GALM: variants seen among roughly 807,000 people sequenced by gnomAD.
The protein encoded by GALM is aldose 1-epimerase.
In GALM, 43 loss-of-function variants were observed where a neutral mutation model predicts 37.4. That is an observed-to-expected ratio of 1.15 (90% CI 0.90 to 1.48). GALM has a LOEUF of 1.48. Among genes scored for constraint, GALM ranks in the 40% most tolerant of loss-of-function variants. GALM has a pLI of 0.00. For missense variants in GALM, 456 were observed against 419.1 expected (o/e 1.09, Z -0.77); for synonymous variants, 199 against 170.6 (o/e 1.17, Z -1.30).
At chr2:38,723,821 A>G (rs931666183) in intron 4 of GALM, among the ~76,000 whole-genome samples, 3 of 152,202 alleles carry the variant, frequency 2.0e-5, no homozygotes, top group Admixed American at 6.5e-5. Context: ...AAGCAAAAAC[A>G]AAAAATATGT....
chr2:38,733,542 T>C lies in GALM; in HGVS notation c.1006T>C (p.Trp336Arg). 6.2e-7 allele frequency: 1 copy of C among 1,613,960 alleles called. No homozygotes were observed. Among genetic ancestry groups the C allele is most frequent in the Non-Finnish European group, 8.5e-7 (1 of 1,179,838 alleles). Residue 336 changes from tryptophan (W) to arginine (R), a missense_variant, in exon 7 of 7, where the codon TGG becomes CGG. Transcript: ENST00000272252. The stretch of plus-strand genomic sequence containing the variant: ...TGGTGAGGAGTATGACCACACCACC[T>C]GGTTCAAGTTTTCTGTGGCTTAAGG... ...RPGEEYDHTT[W>R]FKFSVA
intron 4 of GALM, among the ~76,000 whole-genome samples, chr2:38,702,472 G>A (rs1264823111): frequency 5.3e-5 from 8 of 151,074 alleles, no homozygotes; most frequent in Admixed American, 6.6e-5. Context: ...CCAGCCTACA[G>A]AGACCACCCA....
intron 1 of GALM, among the ~76,000 whole-genome samples, chr2:38,675,494 A>G (rs1665222052): frequency 6.8e-6 from 1 of 146,834 alleles, no homozygotes; most frequent in African/African-American, 2.5e-5. Context: ...GGACAGTGGC[A>G]TGCAACACAC....
chr2:38,716,672 A>G (rs1666275147), intron 4 of GALM, among the ~76,000 whole-genome samples: 1 of 152,152 alleles, frequency 6.6e-6, no homozygotes, highest in Non-Finnish European at 1.5e-5. Context: ...AATCACTAGA[A>G]GAGGAAGCTT....
intron 4 of GALM, among the ~76,000 whole-genome samples, chr2:38,727,481 C>T (rs950074568): frequency 3.3e-5 from 5 of 152,134 alleles, no homozygotes; most frequent in African/African-American, 1.2e-4. Context: ...GTAATCCCAG[C>T]CCTTTGGGAG....
chr2:38,688,640 A>G (rs760471760), intron 3 of GALM, among the ~76,000 whole-genome samples: 1 of 152,174 alleles, frequency 6.6e-6, no homozygotes, highest in Non-Finnish European at 1.5e-5. Flanking sequence ...TCCCTTCCAC[A>G]TCTTCTGGTG....
At chr2:38,732,837 T>C (rs992907795) in intron 6 of GALM, among the ~76,000 whole-genome samples, 22 of 150,874 alleles carry the variant, frequency 1.5e-4, no homozygotes, top group Admixed American at 4.6e-4. Flanking sequence ...GGAGGATCCC[T>C]GAGCCTGGGA....
chr2:38,730,629 A>T (rs866751705), intron 5 of GALM, among the ~76,000 whole-genome samples: 1 of 151,922 alleles, frequency 6.6e-6, no homozygotes, highest in African/African-American at 2.4e-5. Context: ...AAGATCAAAG[A>T]CCTTCTCCGG....
intron 4 of GALM, among the ~76,000 whole-genome samples, chr2:38,714,251 G>C (rs1417516472): frequency 6.6e-6 from 1 of 151,974 alleles, no homozygotes; most frequent in African/African-American, 2.4e-5. Context: ...GTCTTGCTCT[G>C]TTGCCCAGGC....
chr2:38,717,644 C>T (rs920490118), intron 4 of GALM, among the ~76,000 whole-genome samples: 3 of 151,836 alleles, frequency 2.0e-5, no homozygotes, highest in South Asian at 2.1e-4. Flanking sequence ...AAGTGATCCC[C>T]GCTGCCTCAG....
At chr2:38,697,023 C>G (rs1240587312) in intron 4 of GALM, among the ~76,000 whole-genome samples, 2 of 152,010 alleles carry the variant, frequency 1.3e-5, no homozygotes, top group African/African-American at 4.8e-5. Context: ...CTCCTGACCT[C>G]AAGTGATCCA....
rs374481219 is a variant in GALM, at chr2:38,687,604, A to G, written c.553-2209A>G. 2.2e-4 allele frequency among the ~76,000 whole-genome samples: 33 copies of G among 151,802 alleles called. No individual in the cohort carries two copies. The East Asian group carries it at 5.7e-3, about 26-fold the overall frequency. On this transcript the variant is annotated intron_variant, in intron 3 of 6. Transcript: ENST00000272252. ...GGGCACCTGTAATCCCAGCTACTTA[A>G]GGAGGCTAAGGCAGGAGAATTGCTT...
chr2:38,717,025 C>A (rs565812240), intron 4 of GALM, among the ~76,000 whole-genome samples: 1 of 151,910 alleles, frequency 6.6e-6, no homozygotes, highest in South Asian at 2.1e-4. Context: ...CCGAGGCAGG[C>A]GGATCACCTG....
At chr2:38,719,613 G>C (rs575614289) in intron 4 of GALM, among the ~76,000 whole-genome samples, 4 of 149,542 alleles carry the variant, frequency 2.7e-5, no homozygotes, top group Non-Finnish European at 5.9e-5. Context: ...TGTCTCTACT[G>C]AAAATACAAA....
intron 2 of GALM, among the ~76,000 whole-genome samples, chr2:38,678,017 C>CT (rs372206191): frequency 0.31 from 43,054 of 138,246 alleles, 6,745 homozygotes; most frequent in Admixed American, 0.35. Flanking sequence ...ACTTTGAACT[C>CT]TTTTTTTTTT....
At position 38,701,657 on chromosome 2, in the gene GALM, T is replaced by C. The variant is rs1665921768; in HGVS notation, c.634+11763T>C. Among the ~76,000 whole-genome samples the C allele has an allele frequency of 2.0e-5, 3 of 152,196 alleles. 1 individual carries two copies. The South Asian group carries it at 6.2e-4, about 32-fold the overall frequency. On this transcript the variant is annotated intron_variant, in intron 4 of 6. Coordinates refer to ENST00000272252, the MANE Select transcript of GALM (RefSeq NM_138801.3). Reference sequence around the variant, plus strand: ...TGTGGAGAGAGGCCCAGCAAGACTTTTGTATTTTATTTCAACCTCTGTCGG... The same window carrying C: ...TGTGGAGAGAGGCCCAGCAAGACTTCTGTATTTTATTTCAACCTCTGTCGG...
At chr2:38,676,860 CT>C (rs757662680) in intron 2 of GALM, among the ~76,000 whole-genome samples, 2 of 152,240 alleles carry the variant, frequency 1.3e-5, no homozygotes, top group Non-Finnish European at 2.9e-5. Flanking sequence ...TACACCATAG[CT>C]GCTGGTGTCC....
At chr2:38,725,023 TA>T (rs889032948) in intron 4 of GALM, among the ~76,000 whole-genome samples, 3 of 152,218 alleles carry the variant, frequency 2.0e-5, no homozygotes, top group African/African-American at 7.2e-5. Context: ...TTAAGGGAGA[TA>T]ATTATAAGCA....
At chr2:38,694,469 G>T (rs1033126259) in intron 4 of GALM, among the ~76,000 whole-genome samples, 3 of 151,950 alleles carry the variant, frequency 2.0e-5, no homozygotes, top group African/African-American at 7.3e-5. Flanking sequence ...AGGAAACCAA[G>T]TTTGTTTAAA....
Sources: gnomAD v4.1 joint callset for allele counts (sites outside exome capture counted in the v4.1 genomes callset) on GRCh38, gnomAD v4.1.1 for gene constraint, MANE v1.5 for transcripts, NCBI Gene and HGNC (gene_info 2026-07-23, HGNC 2026-07-21) for gene names.